Variants in MED6 observed in about 807,000 individuals in gnomAD.
MED6 encodes the protein mediator complex subunit 6.
MED6 carries 33 observed loss-of-function variants against 37.5 expected under a neutral mutation model. The observed-to-expected ratio is 0.88, with a 90% CI of 0.67 to 1.18. The LOEUF is 1.18. Among genes scored for constraint, MED6 ranks in the 50% most tolerant of loss-of-function variants. The pLI, the probability that MED6 is intolerant of heterozygous loss-of-function variation, is 0.00. For missense variants in MED6, 235 were observed against 290.6 expected, an observed-to-expected ratio of 0.81 and a Z score of 1.39; for synonymous variants, 94 against 93.6, an observed-to-expected ratio of 1.00 and a Z score of -0.02.
At chr14:70,592,813 T>C in intron 5 of MED6, 67 bp downstream of exon 5, 8 of 1,558,922 alleles carry the variant, frequency 5.1e-6, no homozygotes, top group Non-Finnish European at 7.0e-6. Flanking sequence ...GCCATTTTCC[T>C]AAAGAAAACA....
intron 5 of MED6, chr14:70,592,541 T>C (rs1273250005): frequency 7.0e-6 from 1 of 141,854 alleles, no homozygotes; most frequent in African/African-American, 2.8e-5. Context: ...TTGCCCAAGC[T>C]GATCTTGAAC....
intron 1 of MED6, 130 bp downstream of exon 1, chr14:70,600,486 T>A: frequency 1.0e-6 from 1 of 953,756 alleles, no homozygotes; most frequent in Non-Finnish European, 1.6e-6. Flanking sequence ...CAGCCTTGGG[T>A]TGTCCACAAA....
chr14:70,597,558 A>T, intron 2 of MED6, 60 bp downstream of exon 2: 1 of 1,340,204 alleles, frequency 7.5e-7, no homozygotes, highest in Non-Finnish European at 9.8e-7. Flanking sequence ...ACAGTTTGAA[A>T]GAACTGTTCA....
At chr14:70,595,043 A>AT in intron 3 of MED6, 8 of 562,182 alleles carry the variant, frequency 1.4e-5, no homozygotes, top group South Asian at 1.1e-4. Flanking sequence ...CTTGCTGCTG[A>AT]TAGAGTCAAG....
intron 2 of MED6, 159 bp from the exon 3 acceptor site, chr14:70,596,861 T>C: frequency 1.9e-6 from 1 of 530,938 alleles, no homozygotes; most frequent in Non-Finnish European, 3.3e-6. Context: ...AATTGGCTGT[T>C]TTCCCAGACA....
At position 70,583,968 on chromosome 14, in the gene MED6, TTTTC is replaced by T. The variant is rs1448192402; in HGVS notation, c.*841_*844del. The T allele has an allele frequency of 6.9e-6, 3 of 436,366 alleles. No homozygotes were observed. The highest frequency in any genetic ancestry group is 6.8e-5 in the East Asian group (2 of 29,494). The allele number at this position is 436,366 out of a possible 1,614,324, so 27.0% of individuals were successfully genotyped here. On this transcript the variant is annotated 3_prime_UTR_variant, in exon 8 of 8. Transcript: ENST00000256379. ...ATAACTTTAAAAAAAATAAAATTCC[TTTTC>T]TTTATTGAAAAAAGAAGTATCTACA...
intron 6 of MED6, among the ~76,000 whole-genome samples, chr14:70,590,814 C>T (rs1884847024): frequency 6.6e-6 from 1 of 152,216 alleles, no homozygotes; most frequent in South Asian, 2.1e-4. Context: ...TCACTCCTGT[C>T]TCCTCTGTTT....
chr14:70,593,025 G>A, intron 4 of MED6, 37 bp from the exon 5 acceptor site: 1 of 1,609,950 alleles, frequency 6.2e-7, no homozygotes, highest in South Asian at 1.1e-5. Context: ...TTTATCATTA[G>A]GTCGACCAAA....
intron 3 of MED6, chr14:70,594,945 C>T (rs1884997020): frequency 1.6e-6 from 1 of 607,624 alleles, no homozygotes; most frequent in Non-Finnish European, 3.2e-6. Flanking sequence ...GGGGCCATTA[C>T]TTCAAGACCA....
rs537414555 is a variant in MED6, at chr14:70,595,422, C to A, written c.274+1189G>T. 2.5e-3 allele frequency: 1,420 copies of A among 572,456 alleles called. 28 individuals carry two copies. The highest frequency in any genetic ancestry group is 0.023 in the South Asian group (1,379 of 60,386). The allele number at this position is 572,456 out of a possible 1,614,324, so 35.5% of individuals were successfully genotyped here. On this transcript the variant is annotated intron_variant, in intron 3 of 7. Transcript: ENST00000256379. ...CAAGGTTGGGGTTGCTAAGGTGACG[C>A]TCACGGAGCTGAGAGGTACGGTCCA... is the stretch of plus-strand genomic sequence containing the variant.
rs186558715 is a variant in MED6, at chr14:70,584,858, T to A, written c.696A>T (p.Thr232=). Residue 232 remains threonine, a synonymous_variant, in exon 8 of 8, where the codon ACA becomes ACT. Transcript: ENST00000256379. ...EKETTKNVQQ[T]VSAKGPPEKR... The stretch of plus-strand genomic sequence containing the variant: ...TTTCAGGGGGGCCTTTAGCACTCAC[T>A]GTCTGTTGTACATTCTTTGTGGTCT... 14 of 1,614,084 alleles carry A rather than the reference T, an allele frequency of 8.7e-6. No individual in the cohort carries two copies. The African/African-American group carries it at 1.3e-4, about 15-fold the overall frequency.
chr14:70,585,094 A>G lies in MED6; in HGVS notation c.611-151T>C, dbSNP rs561995483. On this transcript the variant is annotated intron_variant, in intron 7 of 7. Transcript: ENST00000256379. ...CTGTTTCCCCAGGCAGATGTATACAAGAACCCAGTTACAAACCTAACAACC... is the reference window on the plus strand; with the variant it reads ...CTGTTTCCCCAGGCAGATGTATACAGGAACCCAGTTACAAACCTAACAACC... The G allele has an allele frequency of 3.3e-6, 3 of 899,358 alleles. No homozygotes were observed. The South Asian group carries it at 5.2e-5, about 16-fold the overall frequency. The allele number at this position is 899,358 out of a possible 1,614,324, so 55.7% of individuals were successfully genotyped here.
intron 6 of MED6, among the ~76,000 whole-genome samples, chr14:70,587,212 A>C (rs1884735607): frequency 6.6e-6 from 1 of 152,188 alleles, no homozygotes; most frequent in Non-Finnish European, 1.5e-5. Flanking sequence ...GGGAAGGAGA[A>C]AGTATAAGAA....
At position 70,596,753 on chromosome 14, in the gene MED6, T is replaced by A. The variant is rs1885060694; in HGVS notation, c.183-51A>T. 4 of 1,262,680 alleles carry A rather than the reference T, an allele frequency of 3.2e-6. No individual in the cohort carries two copies. The East Asian group carries it at 9.3e-5, about 29-fold the overall frequency. 78.2% of individuals were successfully genotyped at this position (1,262,680 alleles called of 1,614,324 possible). A position where few individuals can be genotyped will look rare whatever the true frequency, so the allele number is the denominator to read the frequency against. ...AGATCTATAAACGCCCTACAAATAATTTTATAAGACATTCAAATTATTATA... is the reference window on the plus strand; with the variant it reads ...AGATCTATAAACGCCCTACAAATAAATTTATAAGACATTCAAATTATTATA... On this transcript the variant is annotated intron_variant, in intron 2 of 7. Coordinates refer to ENST00000256379, the MANE Select transcript of MED6 (RefSeq NM_005466.4).
At chr14:70,595,225 T>C (rs1885007884) in intron 3 of MED6, 8 of 542,310 alleles carry the variant, frequency 1.5e-5, no homozygotes, top group South Asian at 8.5e-5. Context: ...AAGCCCAGAC[T>C]GCCAGCTCTG....
chr14:70,600,616 C>T lies in MED6; in HGVS notation c.22G>A (p.Asp8Asn). 1 of 1,613,156 alleles carries T rather than the reference C, an allele frequency of 6.2e-7. No individual in the cohort carries two copies. The highest frequency in any genetic ancestry group is 8.5e-7 in the Non-Finnish European group (1 of 1,179,876). MAAVDIR[D>N]NLLGISWVDS... The stretch of plus-strand genomic sequence containing the variant: ...GACAAAATATAGCAATACAGTATAC[C>T]TCGGATATCCACCGCCGCCATAATT... The change falls in exon 1 of 8, where the codon GAC becomes AAC. Residue 8 changes from aspartate to asparagine, a missense_variant and splice_region_variant. Transcript: ENST00000256379.
At chr14:70,592,467 C>G (rs917097790) in intron 5 of MED6, 1 of 154,182 alleles carries the variant, frequency 6.5e-6, no homozygotes, top group Non-Finnish European at 1.4e-5. Flanking sequence ...ACCACTGTCT[C>G]TCCTATGTTC....
At chr14:70,588,844 TC>T (rs1330312814) in intron 6 of MED6, among the ~76,000 whole-genome samples, 1 of 151,956 alleles carries the variant, frequency 6.6e-6, no homozygotes, top group Non-Finnish European at 1.5e-5. Context: ...AATTATTCTC[TC>T]TGCTTTCATG....
Position 70,597,784 on chromosome 14 carries a change from GA to G in MED6, c.23-8del. 6.5e-7 allele frequency: 1 copy of G among 1,533,820 alleles called. No homozygotes were observed. Among genetic ancestry groups the G allele is most frequent in the Non-Finnish European group, 8.7e-7 (1 of 1,153,726 alleles). ...GAAATTCCCAGCAGATTGTCTATGGGAAAGAAAACAAAATGATAAAGGATTA... is the reference window on the plus strand; with the variant it reads ...GAAATTCCCAGCAGATTGTCTATGGGAAGAAAACAAAATGATAAAGGATTA... On this transcript the variant is annotated splice_region_variant and splice_polypyrimidine_tract_variant and intron_variant, in intron 1 of 7. Coordinates refer to ENST00000256379, the MANE Select transcript of MED6 (RefSeq NM_005466.4).
Sources: gnomAD v4.1 joint callset for allele counts (sites outside exome capture counted in the v4.1 genomes callset) on GRCh38, gnomAD v4.1.1 for gene constraint, MANE v1.5 for transcripts, NCBI Gene and HGNC (gene_info 2026-07-23, HGNC 2026-07-21) for gene names.